ROS1: variants seen among roughly 807,000 people sequenced by gnomAD.
ROS1 encodes the protein proto-oncogene tyrosine-protein kinase ROS.
A neutral mutation model predicts 273.5 loss-of-function variants in ROS1; 263 were observed. That is an observed-to-expected ratio of 0.96 (90% CI 0.87 to 1.06). ROS1 has a LOEUF of 1.06. Among genes scored for constraint, ROS1 ranks in the 50% least tolerant of loss-of-function variants. The pLI is 0.00. For synonymous variants in ROS1, 1,008 were observed against 954.1 expected, an observed-to-expected ratio of 1.06 and a Z score of -1.04; for missense variants, 2,833 against 2,751.1, an observed-to-expected ratio of 1.03 and a Z score of -0.67.
intron 7 of ROS1, among the ~76,000 whole-genome samples, chr6:117,398,034 C>T (rs1773638099): frequency 6.6e-6 from 1 of 152,166 alleles, no homozygotes; most frequent in Non-Finnish European, 1.5e-5. Context: ...CAATTCATCT[C>T]TAACTCTCAG....
chr6:117,398,162 G>A (rs992753494), intron 7 of ROS1, among the ~76,000 whole-genome samples: 4 of 152,196 alleles, frequency 2.6e-5, no homozygotes, highest in Admixed American at 6.5e-5. Flanking sequence ...TAATTAGAAT[G>A]TCAAAATTTT....
chr6:117,303,188 G>A (rs1774862973), intron 42 of ROS1, among the ~76,000 whole-genome samples: 1 of 152,026 alleles, frequency 6.6e-6, no homozygotes, highest in Non-Finnish European at 1.5e-5. Context: ...TTACTTTCTG[G>A]AGCTATATGG....
intron 43 of ROS1, among the ~76,000 whole-genome samples, chr6:117,291,619 C>CA (rs1377773485): frequency 1.3e-5 from 2 of 152,266 alleles, no homozygotes; most frequent in East Asian, 3.9e-4. Context: ...CACTAAACCT[C>CA]AGTTTTCTCA....
chr6:117,386,186 G>A (rs1772564682), intron 15 of ROS1, among the ~76,000 whole-genome samples: 1 of 152,202 alleles, frequency 6.6e-6, no homozygotes, highest in South Asian at 2.1e-4. Context: ...GAGACAAGGT[G>A]AGATCATGTG....
chr6:117,356,555 C>T (rs1278386013), intron 26 of ROS1, 74 bp downstream of exon 26: 7 of 1,340,556 alleles, frequency 5.2e-6, no homozygotes, highest in African/African-American at 4.3e-5. Flanking sequence ...ACGCGGAATG[C>T]AAGCCCTTTG....
Position 117,329,348 on chromosome 6 carries a change from A to G in ROS1, c.5329T>C (p.Tyr1777His), listed in dbSNP as rs762317256. Reference protein sequence around the residue: ...KAEDNGCRITYYILEIRKSTS... With the variant: ...KAEDNGCRITHYILEIRKSTS... ...ACATACCTTATCTCAAGGATATAGT[A>G]TGTAATTCTACATCCATTATCTTCA... The change falls in exon 33 of 44, where the codon TAC (tyrosine) becomes CAC (histidine). Residue 1777 changes from tyrosine (Y) to histidine (H), a missense_variant. Physicochemically the swap from Tyr to His is moderately conservative, Grantham distance 83 (BLOSUM62 2). Transcript: ENST00000368507. The G allele has an allele frequency of 1.7e-5, 26 of 1,516,062 alleles. No individual in the cohort carries two copies. In the East Asian group the frequency reaches 5.2e-4, roughly 30 times the overall value. 93.9% of individuals were successfully genotyped at this position (1,516,062 alleles called of 1,614,324 possible). A position where few individuals can be genotyped will look rare whatever the true frequency, so the allele number is the denominator to read the frequency against.
chr6:117,347,073 T>C (rs771834765), intron 27 of ROS1, among the ~76,000 whole-genome samples: 8 of 152,190 alleles, frequency 5.3e-5, no homozygotes, highest in Non-Finnish European at 7.4e-5. Context: ...ATATAAACTT[T>C]AGAATCAGTT....
Position 117,382,780 on chromosome 6 carries a change from T to G in ROS1, c.2481+537A>C, listed in dbSNP as rs17079106. Among the ~76,000 whole-genome samples the G allele has an allele frequency of 3.3e-3, 502 of 152,206 alleles. 7 individuals are homozygous for G. The highest frequency in any genetic ancestry group is 0.012 in the African/African-American group (488 of 41,552). ...TACCTGGAACTATTCCCACTCCTCATGAATACTCTCATATAATCTTTATAA... is the reference window on the plus strand; with the variant it reads ...TACCTGGAACTATTCCCACTCCTCAGGAATACTCTCATATAATCTTTATAA... On this transcript the variant is annotated intron_variant, in intron 17 of 43. Transcript: ENST00000368507.
intron 42 of ROS1, among the ~76,000 whole-genome samples, chr6:117,307,813 T>TA (rs1775223071): frequency 6.6e-6 from 1 of 152,142 alleles, no homozygotes; most frequent in African/African-American, 2.4e-5. Flanking sequence ...ATCCTCTAAA[T>TA]AACACAGCAT....
chr6:117,329,972 G>C (rs1776958666), intron 32 of ROS1, among the ~76,000 whole-genome samples: 1 of 151,990 alleles, frequency 6.6e-6, no homozygotes, highest in African/African-American at 2.4e-5. Context: ...GGGGTGACCA[G>C]CACAGGCTTC....
chr6:117,416,254 T>G lies in ROS1; in HGVS notation c.228+4A>C. Reference sequence around the variant, plus strand: ...ATCAAAATAGAAATCTAATTAATACTTACACACTTTAAAGCACAGTTTTTC... The same window carrying G: ...ATCAAAATAGAAATCTAATTAATACGTACACACTTTAAAGCACAGTTTTTC... On this transcript the variant is annotated splice_donor_region_variant and intron_variant, in intron 3 of 43. Transcript: ENST00000368507. 1 of 1,534,838 alleles carries G rather than the reference T, an allele frequency of 6.5e-7. No homozygotes were observed. The highest frequency in any genetic ancestry group is 9.0e-7 in the Non-Finnish European group (1 of 1,108,034).
intron 1 of ROS1, among the ~76,000 whole-genome samples, chr6:117,420,190 C>T (rs921863607): frequency 6.6e-6 from 1 of 151,872 alleles, no homozygotes; most frequent in Non-Finnish European, 1.5e-5. Flanking sequence ...AGAACCTGTG[C>T]TCTTAACCGG....
chr6:117,371,258 C>T (rs1780743801), intron 18 of ROS1, among the ~76,000 whole-genome samples: 1 of 152,136 alleles, frequency 6.6e-6, no homozygotes, highest in Admixed American at 6.6e-5. Flanking sequence ...AAACTGAGTG[C>T]CCAAAGTGTG....
At chr6:117,374,155 G>A (rs9387469) in intron 18 of ROS1, among the ~76,000 whole-genome samples, 11,038 of 152,072 alleles carry the variant, frequency 0.073, 418 homozygotes, top group Middle Eastern at 0.1. Flanking sequence ...AAATGCATGT[G>A]GAACCAAAAA....
rs369195730 is a variant in ROS1, at chr6:117,397,259, G to A, written c.605-143C>T. 4.8e-6 allele frequency: 3 copies of A among 625,798 alleles called. No individual in the cohort carries two copies. In the South Asian group the frequency reaches 6.1e-5, roughly 13 times the overall value. The allele number at this position is 625,798 out of a possible 1,614,324, so 38.8% of individuals were successfully genotyped here. A position where few individuals can be genotyped will look rare whatever the true frequency, so the allele number is the denominator to read the frequency against. ...TTATTAATACTCAAAATATGTGATA[G>A]AGGAAAGGTGGTAAGATGTCTAAAC... On this transcript the variant is annotated intron_variant, in intron 7 of 43. Transcript: ENST00000368507.
At chr6:117,425,245 T>C (rs902922354) in intron 1 of ROS1, among the ~76,000 whole-genome samples, 3 of 152,180 alleles carry the variant, frequency 2.0e-5, no homozygotes, top group Non-Finnish European at 4.4e-5. Context: ...AGAAAGTTTT[T>C]AAGTGTGCAA....
In ROS1 at chr6:117,389,413, C is replaced by T. The variant is rs752182904; in HGVS notation, c.1723G>A (p.Val575Met). The change falls in exon 13 of 44, where the codon GTG becomes ATG. Residue 575 changes from valine to methionine, a missense_variant. Coordinates refer to ENST00000368507, the MANE Select transcript of ROS1 (RefSeq NM_001378902.1). ...AGAGCCTGGTGAGAGCCAAACAGCA[C>T]CGAAAGCTCCTGCGGGCGGCCTGGC... ...PLPGRPQELS[V>M]LFGSHQALVQ... is the part of the protein sequence containing the mutation. 6.2e-7 allele frequency: 1 copy of T among 1,614,148 alleles called. No homozygotes were observed. Among genetic ancestry groups the T allele is most frequent in the East Asian group, 2.2e-5 (1 of 44,878 alleles).
At chr6:117,385,116 A>G (rs1161815424) in intron 16 of ROS1, among the ~76,000 whole-genome samples, 2 of 152,204 alleles carry the variant, frequency 1.3e-5, no homozygotes, top group African/African-American at 4.8e-5. Context: ...GCCTTGAATC[A>G]TGCTTTTGGA....
intron 8 of ROS1, among the ~76,000 whole-genome samples, chr6:117,396,615 T>A (rs1440241353): frequency 1.3e-5 from 2 of 152,212 alleles, no homozygotes; most frequent in African/African-American, 4.8e-5. Context: ...ACCTCCTTAC[T>A]TTTTTCATAT....
Sources: allele counts gnomAD v4.1 joint callset (sites outside exome capture counted in the v4.1 genomes callset), GRCh38; gene constraint gnomAD v4.1.1; transcripts MANE v1.5; gene names NCBI Gene and HGNC (gene_info 2026-07-23, HGNC 2026-07-21).